PCGF3: variants seen among roughly 807,000 people sequenced by gnomAD.
The protein encoded by PCGF3 is polycomb group ring finger 3, also known as polycomb group RING finger protein 3.
PCGF3 carries 7 observed loss-of-function variants against 33.1 expected under a neutral mutation model. That is an observed-to-expected ratio of 0.21 (90% CI 0.12 to 0.40). The LOEUF is 0.40. PCGF3 is among the 10% of genes least tolerant of loss of function. The probability of loss-of-function intolerance (pLI) is 1.00; values close to 1 mark genes in which losing one functional copy is unlikely to be tolerated. For missense variants in PCGF3, 211 were observed against 313.3 expected, an observed-to-expected ratio of 0.67 and a Z score of 2.46; for synonymous variants, 153 against 121.3, an observed-to-expected ratio of 1.26 and a Z score of -1.72.
intron 1 of PCGF3, among the ~76,000 whole-genome samples, chr4:715,122 G>A (rs1742754603): frequency 6.7e-6 from 1 of 149,284 alleles, no homozygotes; most frequent in African/African-American, 2.5e-5. Flanking sequence ...TGAGAACTGG[G>A]TGTCGGTGCT....
intron 1 of PCGF3, among the ~76,000 whole-genome samples, chr4:715,010 G>A (rs1370895334): frequency 2.2e-4 from 33 of 147,358 alleles, no homozygotes; most frequent in African/African-American, 7.5e-4. Flanking sequence ...CTGGGACCCT[G>A]TAGACACTGA....
intron 8 of PCGF3, among the ~76,000 whole-genome samples, chr4:749,070 T>C (rs1045835987): frequency 6.6e-6 from 1 of 152,268 alleles, no homozygotes; most frequent in Non-Finnish European, 1.5e-5. Flanking sequence ...TTACTTTTAC[T>C]AATATTTACC....
intron 9 of PCGF3, among the ~76,000 whole-genome samples, chr4:764,037 TGAG>T (rs1745217015): frequency 6.6e-6 from 1 of 152,000 alleles, no homozygotes; most frequent in African/African-American, 2.4e-5. Context: ...TGCAGGGGCT[TGAG>T]GAGGGTAGTA....
At chr4:744,504 A>G (rs1744228928) in intron 7 of PCGF3, 96 bp from the exon 8 acceptor site, 1 of 905,982 alleles carries the variant, frequency 1.1e-6, no homozygotes, top group Non-Finnish European at 1.7e-6. Context: ...CTCTTAATGG[A>G]GTGAATTTTT....
rs1033925964 is a variant in PCGF3 at position 760,150 on chromosome 4, C to G, written c.463-1129C>G. The stretch of plus-strand genomic sequence containing the variant: ...AATGGGCTGTGCTCAGTGACTGCAC[C>G]GTGTCGGAGTGGGTATTTCTTGTAT... On this transcript the variant is annotated intron_variant, in intron 8 of 10. Coordinates refer to ENST00000362003, the Ensembl canonical transcript of PCGF3. Among the ~76,000 whole-genome samples, 5 of 152,362 alleles carry G rather than the reference C, an allele frequency of 3.3e-5. No individual in the cohort carries two copies. In the South Asian group the frequency reaches 1.0e-3, roughly 32 times the overall value.
chr4:740,551 A>T (rs1462774761), intron 6 of PCGF3, among the ~76,000 whole-genome samples: 1 of 151,940 alleles, frequency 6.6e-6, no homozygotes, highest in Non-Finnish European at 1.5e-5. Flanking sequence ...CGCACTCACC[A>T]GTCCTCTTTC....
chr4:722,784 CG>C (rs1743158186), intron 1 of PCGF3, among the ~76,000 whole-genome samples: 2 of 89,238 alleles, frequency 2.2e-5, no homozygotes, highest in South Asian at 4.9e-4. Flanking sequence ...GGTCCACACT[CG>C]CGTCATCGCC....
intron 8 of PCGF3, among the ~76,000 whole-genome samples, chr4:748,300 A>G (rs1030320382): frequency 6.6e-6 from 1 of 151,930 alleles, no homozygotes; most frequent in Non-Finnish European, 1.5e-5. Context: ...CCTGGGTTCA[A>G]GCGATTCTCC....
At chr4:750,820 C>T (rs1316729865) in intron 8 of PCGF3, among the ~76,000 whole-genome samples, 2 of 151,114 alleles carry the variant, frequency 1.3e-5, no homozygotes, top group Non-Finnish European at 2.9e-5. Context: ...ATGACTTGCA[C>T]CTTTTGCCAG....
exon 11 of PCGF3, chr4:769,724 G>A (rs1273877660): frequency 6.6e-6 from 1 of 152,656 alleles, no homozygotes; most frequent in Non-Finnish European, 1.5e-5. Flanking sequence ...GATGTGCGTA[G>A]CCTCCGTGTA....
chr4:742,304 C>T (rs185143056), intron 6 of PCGF3, among the ~76,000 whole-genome samples: 2 of 152,272 alleles, frequency 1.3e-5, no homozygotes, highest in South Asian at 2.1e-4. Flanking sequence ...TTGCCTCACG[C>T]GGGCATTGGT....
intron 5 of PCGF3, among the ~76,000 whole-genome samples, chr4:735,503 G>A (rs191584549): frequency 3.9e-5 from 6 of 152,142 alleles, no homozygotes; most frequent in Admixed American, 1.3e-4. Flanking sequence ...CGGAGATTGC[G>A]CCGTTGCACT....
At chr4:713,117 G>A (rs921681330) in intron 1 of PCGF3, among the ~76,000 whole-genome samples, 1 of 149,862 alleles carries the variant, frequency 6.7e-6, no homozygotes, top group African/African-American at 2.5e-5. Context: ...TGTGTGGTCT[G>A]GTGGGGGCTG....
chr4:738,263 C>T (rs7675495), intron 6 of PCGF3, among the ~76,000 whole-genome samples: 10 of 152,312 alleles, frequency 6.6e-5, no homozygotes, highest in African/African-American at 1.7e-4. Flanking sequence ...CCGTAGAAAC[C>T]GTATCTCGCC....
intron 3 of PCGF3, among the ~76,000 whole-genome samples, chr4:732,241 C>A (rs1040626665): frequency 8.1e-5 from 12 of 148,212 alleles, no homozygotes; most frequent in African/African-American, 2.7e-4. Flanking sequence ...TAGGGTGGGG[C>A]TCCCCCTCCC....
At chr4:751,246 G>A (rs1744498508) in intron 8 of PCGF3, among the ~76,000 whole-genome samples, 2 of 152,150 alleles carry the variant, frequency 1.3e-5, no homozygotes. Flanking sequence ...CAAAACTTGG[G>A]AAGTCATCCG....
intron 4 of PCGF3, chr4:734,169 C>T: frequency 4.0e-6 from 6 of 1,505,188 alleles, no homozygotes; most frequent in Non-Finnish European, 5.4e-6. Context: ...TGATGTGCGT[C>T]CTCACACCTG....
At chr4:714,627 G>T (rs1742724744) in intron 1 of PCGF3, among the ~76,000 whole-genome samples, 1 of 152,184 alleles carries the variant, frequency 6.6e-6, no homozygotes, top group Admixed American at 6.5e-5. Context: ...GACCATGCCA[G>T]GTGAGACCCC....
At chr4:752,630 G>T (rs970489102) in intron 8 of PCGF3, among the ~76,000 whole-genome samples, 12 of 152,170 alleles carry the variant, frequency 7.9e-5, no homozygotes, top group Admixed American at 7.2e-4. Context: ...CTGAGTGTCC[G>T]CTGGGACTCG....
Sources: gnomAD v4.1 joint callset for allele counts (sites outside exome capture counted in the v4.1 genomes callset) on GRCh38, gnomAD v4.1.1 for gene constraint, MANE v1.5 for transcripts, NCBI Gene and HGNC (gene_info 2026-07-23, HGNC 2026-07-21) for gene names.